Variants in SLCO3A1 observed in about 807,000 individuals in gnomAD.
SLCO3A1 encodes solute carrier organic anion transporter family member 3A1.
Under a neutral mutation model 63.1 loss-of-function variants are expected in SLCO3A1, and 27 were observed. The observed-to-expected ratio is 0.43, with a 90% CI of 0.32 to 0.59. The LOEUF (loss-of-function observed/expected upper bound fraction) is 0.59. SLCO3A1 is among the 20% of genes least tolerant of loss of function. SLCO3A1 has a pLI of 0.09. For missense variants in SLCO3A1, 773 were observed against 945.8 expected, an observed-to-expected ratio of 0.82 and a Z score of 2.40; for synonymous variants, 473 against 409.9, an observed-to-expected ratio of 1.15 and a Z score of -1.86.
intron 2 of SLCO3A1, among the ~76,000 whole-genome samples, chr15:91,939,798 A>C (rs1899554899): frequency 6.6e-6 from 1 of 152,162 alleles, no homozygotes; most frequent in South Asian, 2.1e-4. Context: ...AGACATCAGC[A>C]GCCCCCGTAG....
chr15:92,128,593 T>A, intron 7 of SLCO3A1, 104 bp downstream of exon 7: 1 of 1,013,140 alleles, frequency 9.9e-7, no homozygotes, highest in Non-Finnish European at 1.4e-6. Flanking sequence ...GACTTTTTCT[T>A]AGCTGTTGCC....
In SLCO3A1 at chr15:91,854,964, T is replaced by C. The variant is rs1272072609; in HGVS notation, c.180+876T>C. On this transcript the variant is annotated intron_variant, in intron 1 of 9. Transcript: ENST00000318445. The surrounding 1 kb of genome is among the most constrained non-coding windows in gnomAD (Gnocchi z 6.4). Reference sequence around the variant, plus strand: ...GTCGCTTTCGCCTCCTCTGCTCAGGTGGTCGCAACTTGAGTTCCAGAGAGC... The same window carrying C: ...GTCGCTTTCGCCTCCTCTGCTCAGGCGGTCGCAACTTGAGTTCCAGAGAGC... Among the ~76,000 whole-genome samples, 1 of 152,132 alleles carries C rather than the reference T, an allele frequency of 6.6e-6. No individual in the cohort carries two copies. The highest frequency in any genetic ancestry group is 1.5e-5 in the Non-Finnish European group (1 of 68,030).
At position 91,894,922 on chromosome 15, in the gene SLCO3A1, C is replaced by A. The variant is rs1490597381; in HGVS notation, c.181-21071C>A. 6.6e-6 allele frequency among the ~76,000 whole-genome samples: 1 copy of A among 152,188 alleles called. No homozygotes were observed. The highest frequency in any genetic ancestry group is 2.4e-5 in the African/African-American group (1 of 41,450). ...GAACTCTCAAGAATCAAGGTTGAGT[C>A]TGTTGTTCCTAATCCATACCTGCAT... On this transcript the variant is annotated intron_variant, in intron 1 of 9. Coordinates refer to ENST00000318445, the MANE Select transcript of SLCO3A1 (RefSeq NM_013272.4). The surrounding 1 kb of genome is among the most constrained non-coding windows in gnomAD (Gnocchi z 4.8).
In SLCO3A1 at chr15:91,984,732, A is replaced by G. The variant is rs574650249; in HGVS notation, c.646+68274A>G. ...GAGATATTTAGAGTCACTTAGAGTG[A>G]CATTTATTATTAATGATTTTGAGTA... On this transcript the variant is annotated intron_variant, in intron 2 of 9. Coordinates refer to ENST00000318445, the MANE Select transcript of SLCO3A1 (RefSeq NM_013272.4). Among the ~76,000 whole-genome samples the G allele has an allele frequency of 3.3e-5, 5 of 152,326 alleles. No homozygotes were observed. In the East Asian group the frequency reaches 9.6e-4, roughly 29 times the overall value.
intron 8 of SLCO3A1, 60 bp downstream of exon 8, chr15:92,147,219 T>C: frequency 6.6e-7 from 1 of 1,515,100 alleles, no homozygotes; most frequent in African/African-American, 1.4e-5. Context: ...TCTGCAGGCC[T>C]CCTAGGGACC....
rs2048464291 is a variant in SLCO3A1 at position 92,163,353 on chromosome 15, T to C, written c.*218T>C. 1.7e-5 allele frequency: 20 copies of C among 1,192,264 alleles called. No homozygotes were observed. The highest frequency in any genetic ancestry group is 2.0e-5 in the Non-Finnish European group (19 of 964,024). The allele number at this position is 1,192,264 out of a possible 1,614,324, so 73.9% of individuals were successfully genotyped here. On this transcript the variant is annotated 3_prime_UTR_variant, in exon 10 of 10. Coordinates refer to ENST00000318445, the MANE Select transcript of SLCO3A1 (RefSeq NM_013272.4). Reference sequence around the variant, plus strand: ...AGAATGACATCGTGCGGCAGGGTCCTGGAGGCCACTTGCGCGGCTGGGCCA... The same window carrying C: ...AGAATGACATCGTGCGGCAGGGTCCCGGAGGCCACTTGCGCGGCTGGGCCA...
chr15:92,124,085 G>C (rs2047893537), intron 5 of SLCO3A1, among the ~76,000 whole-genome samples: 1 of 152,170 alleles, frequency 6.6e-6, no homozygotes, highest in Admixed American at 6.5e-5. Flanking sequence ...AGGCAGACTT[G>C]GGAGATGAGG....
At chr15:92,049,860 A>G (rs532685874) in intron 2 of SLCO3A1, among the ~76,000 whole-genome samples, 12 of 152,318 alleles carry the variant, frequency 7.9e-5, no homozygotes, top group African/African-American at 2.9e-4. Flanking sequence ...AAGACTCGAC[A>G]GCTTTGTAAT....
chr15:92,072,109 G>A (rs1417560944), intron 2 of SLCO3A1, among the ~76,000 whole-genome samples: 4 of 152,082 alleles, frequency 2.6e-5, no homozygotes, highest in African/African-American at 9.7e-5. Context: ...TAGTTCATAG[G>A]TTTCAAGGGA....
At chr15:91,869,309 G>C (rs1255232050) in intron 1 of SLCO3A1, among the ~76,000 whole-genome samples, 8 of 152,090 alleles carry the variant, frequency 5.3e-5, no homozygotes, top group African/African-American at 1.9e-4. Context: ...GCCGAGGTGG[G>C]TGGATCAGTT....
At chr15:92,008,576 A>G (rs1693780999) in intron 2 of SLCO3A1, among the ~76,000 whole-genome samples, 1 of 152,222 alleles carries the variant, frequency 6.6e-6, no homozygotes, top group Non-Finnish European at 1.5e-5. Context: ...ACAATCATCT[A>G]GATTCATTTT....
chr15:92,021,340 A>C (rs2046507060), intron 2 of SLCO3A1, among the ~76,000 whole-genome samples: 1 of 152,204 alleles, frequency 6.6e-6, no homozygotes, highest in Non-Finnish European at 1.5e-5. Flanking sequence ...TTATCAAACC[A>C]TCTTTTAACT....
intron 2 of SLCO3A1, among the ~76,000 whole-genome samples, chr15:92,066,252 T>C (rs937972335): frequency 6.6e-6 from 1 of 152,240 alleles, no homozygotes; most frequent in Non-Finnish European, 1.5e-5. Flanking sequence ...ACTCATAGGA[T>C]GCCCTCAGGC....
intron 2 of SLCO3A1, among the ~76,000 whole-genome samples, chr15:92,043,252 C>T (rs1597251766): frequency 6.6e-6 from 1 of 152,112 alleles, no homozygotes; most frequent in Non-Finnish European, 1.5e-5. Flanking sequence ...CCTGTTTTAC[C>T]CATAAAACTA....
intron 2 of SLCO3A1, among the ~76,000 whole-genome samples, chr15:91,984,693 TATCTC>T (rs1202780225): frequency 5.3e-5 from 8 of 152,264 alleles, no homozygotes; most frequent in Non-Finnish European, 1.0e-4. Context: ...CATCGGCTGA[TATCTC>T]AAGACATAGA....
chr15:91,982,857 C>A (rs983966369), intron 2 of SLCO3A1, among the ~76,000 whole-genome samples: 1 of 152,226 alleles, frequency 6.6e-6, no homozygotes, highest in African/African-American at 2.4e-5. Flanking sequence ...TATAAGTCTC[C>A]CAAGCCCAGG....
At chr15:91,940,090 C>T (rs1597140030) in intron 2 of SLCO3A1, among the ~76,000 whole-genome samples, 1 of 152,192 alleles carries the variant, frequency 6.6e-6, no homozygotes, top group South Asian at 2.1e-4. Flanking sequence ...CTTTCATTTC[C>T]TTCTCTCCTT....
intron 7 of SLCO3A1, among the ~76,000 whole-genome samples, chr15:92,137,741 T>A (rs1200771924): frequency 3.0e-5 from 3 of 101,270 alleles, no homozygotes; most frequent in Admixed American, 1.0e-4. Flanking sequence ...TGAGCATTTT[T>A]TCATGTGTTT....
chr15:91,898,701 G>A (rs1270361177), intron 1 of SLCO3A1, among the ~76,000 whole-genome samples: 1 of 152,090 alleles, frequency 6.6e-6, no homozygotes, highest in African/African-American at 2.4e-5. Flanking sequence ...TTCTAGTGGA[G>A]GGAAAATTAC....
Sources: gnomAD v4.1 joint callset for allele counts (sites outside exome capture counted in the v4.1 genomes callset) on GRCh38, gnomAD v4.1.1 for gene constraint, Gnocchi (gnomAD v3.1) non-coding constraint, MANE v1.5 for transcripts, NCBI Gene and HGNC (gene_info 2026-07-23, HGNC 2026-07-21) for gene names.